Variants in CACNA2D3 observed in about 807,000 individuals in gnomAD.
The protein encoded by CACNA2D3 is calcium voltage-gated channel auxiliary subunit alpha2delta 3.
Under a neutral mutation model 160.6 loss-of-function variants are expected in CACNA2D3, and 60 were observed. The observed-to-expected ratio is 0.37, with a 90% confidence interval of 0.30 to 0.46. CACNA2D3 has a LOEUF of 0.46. CACNA2D3 is among the 20% of genes least tolerant of loss of function. The pLI, the probability that CACNA2D3 is intolerant of heterozygous loss-of-function variation, is 1.00. For synonymous variants in CACNA2D3, 558 were observed against 492.9 expected, an observed-to-expected ratio of 1.13 and a Z score of -1.75; for missense variants, 1,205 against 1,365.0, an observed-to-expected ratio of 0.88 and a Z score of 1.85.
At chr3:54,376,321 AC>A (rs368502391) in intron 3 of CACNA2D3, among the ~76,000 whole-genome samples, 103 of 151,824 alleles carry the variant, frequency 6.8e-4, no homozygotes, top group African/African-American at 2.3e-3. Context: ...CACTCCTTTA[AC>A]CCCAGCTTAC....
At chr3:54,773,792 A>G (rs1159372372) in intron 13 of CACNA2D3, among the ~76,000 whole-genome samples, 1 of 152,344 alleles carries the variant, frequency 6.6e-6, no homozygotes, top group South Asian at 2.1e-4. Context: ...TCTATTAAAC[A>G]GAGTTGGTAT....
At chr3:54,898,383 C>T (rs1448475650) in intron 26 of CACNA2D3, among the ~76,000 whole-genome samples, 1 of 151,884 alleles carries the variant, frequency 6.6e-6, no homozygotes, top group East Asian at 1.9e-4. Context: ...CCACCATACC[C>T]AGCTAATTTT....
intron 17 of CACNA2D3, among the ~76,000 whole-genome samples, chr3:54,866,692 T>C (rs1168712): frequency 0.74 from 111,908 of 152,178 alleles, 42,498 homozygotes; most frequent in African/African-American, 0.91. Context: ...ATCAACATGG[T>C]CATCATCTTG....
At chr3:54,148,402 A>G (rs890736938) in intron 2 of CACNA2D3, among the ~76,000 whole-genome samples, 1 of 152,184 alleles carries the variant, frequency 6.6e-6, no homozygotes, top group Non-Finnish European at 1.5e-5. Context: ...AGACCTCAAA[A>G]AGGTGACTGT....
chr3:54,768,921 C>T (rs761716214), intron 13 of CACNA2D3, among the ~76,000 whole-genome samples: 1 of 152,144 alleles, frequency 6.6e-6, no homozygotes, highest in Non-Finnish European at 1.5e-5. Context: ...TCCTTCTCCT[C>T]TTCATGGTGT....
chr3:54,811,511 T>C (rs1208513321), intron 13 of CACNA2D3, among the ~76,000 whole-genome samples: 2 of 112,784 alleles, frequency 1.8e-5, no homozygotes, highest in Non-Finnish European at 3.5e-5. Context: ...TTTTTTTTTT[T>C]TTTTGAGACA....
chr3:55,059,508 C>T lies in CACNA2D3; in HGVS notation c.2988-13937C>T, dbSNP rs1378092192. On this transcript the variant is annotated intron_variant, in intron 35 of 37. Transcript: ENST00000474759. ...CCTTATGGGATGGGGAACATGCAGA[C>T]GGGCAGGTGCAGGAGCCGGGGTGGA... Among the ~76,000 whole-genome samples, 15 of 152,134 alleles carry T rather than the reference C, an allele frequency of 9.9e-5. 1 individual carries two copies. The highest frequency in any genetic ancestry group is 7.2e-4 in the Admixed American group (11 of 15,270).
chr3:54,778,478 C>T (rs1247236067), intron 13 of CACNA2D3, among the ~76,000 whole-genome samples: 2 of 152,178 alleles, frequency 1.3e-5, no homozygotes, highest in East Asian at 1.9e-4. Flanking sequence ...ATCCTTTGGT[C>T]TCAGTTTCAT....
intron 5 of CACNA2D3, among the ~76,000 whole-genome samples, chr3:54,510,702 A>G (rs2106960524): frequency 6.6e-6 from 1 of 152,270 alleles, no homozygotes; most frequent in South Asian, 2.1e-4. Context: ...TATGAGTATC[A>G]GCATGGTGGA....
chr3:54,928,720 C>T (rs1444446459), intron 27 of CACNA2D3, among the ~76,000 whole-genome samples: 1 of 151,720 alleles, frequency 6.6e-6, no homozygotes, highest in South Asian at 2.1e-4. Context: ...CACTCCCCAG[C>T]CCCCGAGTTG....
intron 13 of CACNA2D3, among the ~76,000 whole-genome samples, chr3:54,806,538 TCA>T (rs1315248654): frequency 2.0e-5 from 3 of 151,664 alleles, no homozygotes; most frequent in African/African-American, 7.2e-5. Context: ...AAACCACTGC[TCA>T]ATGAAATAAA....
intron 27 of CACNA2D3, chr3:54,925,331 A>C: frequency 1.2e-6 from 1 of 807,302 alleles, no homozygotes; most frequent in Admixed American, 2.4e-5. Flanking sequence ...AACCTTCTAC[A>C]ACCTGCAAGA....
chr3:54,147,906 A>C (rs925801290), intron 2 of CACNA2D3, among the ~76,000 whole-genome samples: 1 of 152,324 alleles, frequency 6.6e-6, no homozygotes, highest in South Asian at 2.1e-4. Context: ...TCCTGGGTTC[A>C]AGCAATTCTC....
intron 2 of CACNA2D3, among the ~76,000 whole-genome samples, chr3:54,261,163 A>C (rs555972811): frequency 6.6e-6 from 1 of 152,348 alleles, no homozygotes; most frequent in South Asian, 2.1e-4. Context: ...AGTAAGTTAA[A>C]CAATTTATTT....
At chr3:54,170,537 A>G (rs1700542993) in intron 2 of CACNA2D3, among the ~76,000 whole-genome samples, 1 of 152,178 alleles carries the variant, frequency 6.6e-6, no homozygotes, top group Admixed American at 6.5e-5. Flanking sequence ...TGGAATGCCA[A>G]AATATTGCTG....
chr3:54,280,799 G>A (rs1289394364), intron 2 of CACNA2D3, among the ~76,000 whole-genome samples: 3 of 152,006 alleles, frequency 2.0e-5, no homozygotes, highest in Non-Finnish European at 2.9e-5. Flanking sequence ...CTTAGCTAAC[G>A]ATTCCTCCTC....
chr3:54,385,057 G>C (rs1332461717), intron 3 of CACNA2D3, among the ~76,000 whole-genome samples: 5 of 152,132 alleles, frequency 3.3e-5, no homozygotes, highest in Non-Finnish European at 7.3e-5. Flanking sequence ...AATAAGAGTT[G>C]AGAAACCTTG....
In CACNA2D3 at chr3:54,480,915, T is replaced by C. The variant is rs75227854; in HGVS notation, c.382-22577T>C. On this transcript the variant is annotated intron_variant, in intron 4 of 37. Transcript: ENST00000474759. ...AGATTCATCCAGAAAAAGAAAACAA[T>C]CCATAGAAGAATGTCCAAGCCTTCT... Among the ~76,000 whole-genome samples, 484 of 152,246 alleles carry C rather than the reference T, an allele frequency of 3.2e-3. 3 individuals are homozygous for C. The highest frequency in any genetic ancestry group is 0.011 in the African/African-American group (465 of 41,542).
intron 11 of CACNA2D3, among the ~76,000 whole-genome samples, chr3:54,718,758 A>G (rs935936477): frequency 6.6e-6 from 1 of 152,096 alleles, no homozygotes. Context: ...GTAAAAATCA[A>G]CTGAAGAAGG....
Sources: allele counts gnomAD v4.1 joint callset (sites outside exome capture counted in the v4.1 genomes callset), GRCh38; gene constraint gnomAD v4.1.1; transcripts MANE v1.5; gene names NCBI Gene and HGNC (gene_info 2026-07-23, HGNC 2026-07-21).